The following SAMSN1 variants were observed in gnomAD, a reference collection of about 807,000 sequenced individuals.
SAMSN1 encodes the protein SAM domain, SH3 domain and nuclear localization signals 1.
Under a neutral mutation model 42.0 loss-of-function variants are expected in SAMSN1, and 31 were observed. The observed-to-expected ratio is 0.74, with a 90% CI of 0.55 to 1.00. The LOEUF (loss-of-function observed/expected upper bound fraction) is 1.00, where lower values mean the gene tolerates loss of function less well. Ranked by LOEUF, SAMSN1 falls within the 50% of genes least tolerant of loss-of-function variation. The pLI is 0.00. For synonymous variants in SAMSN1, 178 were observed against 151.9 expected (o/e 1.17, Z -1.26); for missense variants, 464 against 439.4 (o/e 1.06, Z -0.50).
At chr21:14,647,290 A>G (rs150599492) in intron 1 of SAMSN1, among the ~76,000 whole-genome samples, 13,697 of 151,866 alleles carry the variant, frequency 0.09, 731 homozygotes, top group Admixed American at 0.19. Flanking sequence ...AAGATCAGAT[A>G]GTTGTAGATA....
chr21:14,602,199 G>A, intron 5 of SAMSN1: 1 of 387,264 alleles, frequency 2.6e-6, no homozygotes, highest in Non-Finnish European at 4.8e-6. Flanking sequence ...TAGTCTGTAA[G>A]ACATTACATT....
chr21:14,646,057 C>A (rs180976317), intron 1 of SAMSN1, among the ~76,000 whole-genome samples: 16 of 152,002 alleles, frequency 1.1e-4, no homozygotes, highest in Admixed American at 1.0e-3. Flanking sequence ...AGTTATTGGC[C>A]TTAAAGAGGA....
intron 2 of SAMSN1, among the ~76,000 whole-genome samples, chr21:14,579,285 T>TC (rs2123238155): frequency 1.3e-5 from 2 of 152,330 alleles, no homozygotes; most frequent in East Asian, 3.9e-4. Context: ...TTCTGAGCAT[T>TC]CTGTAGATAT....
In SAMSN1 at chr21:14,518,551, T is replaced by C. The variant is rs187077924; in HGVS notation, c.130-1510A>G. On this transcript the variant is annotated intron_variant, in intron 2 of 7. Coordinates refer to ENST00000400566, the MANE Select transcript of SAMSN1 (RefSeq NM_022136.5). ...CTAGTTTAACACTGCCCACCATTAC[T>C]GGTAGGTGGACAGGTAGTCATTCAC... Among the ~76,000 whole-genome samples the C allele has an allele frequency of 2.2e-4, 34 of 152,326 alleles. No individual in the cohort carries two copies. The East Asian group carries it at 6.4e-3, about 28-fold the overall frequency.
At chr21:14,488,451 C>T (rs1255474151) in intron 7 of SAMSN1, among the ~76,000 whole-genome samples, 1 of 152,068 alleles carries the variant, frequency 6.6e-6, no homozygotes, top group Admixed American at 6.6e-5. Context: ...CTGTAATTTC[C>T]AAAATTAGTT....
At chr21:14,504,176 T>C (rs1987299321) in intron 5 of SAMSN1, among the ~76,000 whole-genome samples, 1 of 152,086 alleles carries the variant, frequency 6.6e-6, no homozygotes, top group African/African-American at 2.4e-5. Context: ...CCAACTCTGA[T>C]AACATGACAA....
chr21:14,562,932 C>A (rs1980991056), intron 2 of SAMSN1, among the ~76,000 whole-genome samples: 1 of 152,116 alleles, frequency 6.6e-6, no homozygotes, highest in Admixed American at 6.6e-5. Context: ...AGGTTGTATT[C>A]CAAGCTCTGA....
At chr21:14,489,421 G>T (rs921848016) in intron 7 of SAMSN1, among the ~76,000 whole-genome samples, 1 of 152,000 alleles carries the variant, frequency 6.6e-6, no homozygotes, top group African/African-American at 2.4e-5. Flanking sequence ...ACAAACAAAA[G>T]TGTTCAAATT....
intron 4 of SAMSN1, among the ~76,000 whole-genome samples, chr21:14,511,144 T>C (rs1031949518): frequency 3.3e-5 from 5 of 152,182 alleles, no homozygotes; most frequent in Admixed American, 3.3e-4. Context: ...AAGCCTTTCA[T>C]CACTCTGTTC....
chr21:14,526,068 G>A (rs962937762), intron 1 of SAMSN1, among the ~76,000 whole-genome samples: 13 of 152,022 alleles, frequency 8.6e-5, no homozygotes, highest in East Asian at 7.7e-4. Flanking sequence ...GGGTTTGACC[G>A]TGTTAGCCAG....
At chr21:14,640,079 C>T (rs1983556943) in intron 2 of SAMSN1, among the ~76,000 whole-genome samples, 1 of 152,176 alleles carries the variant, frequency 6.6e-6, no homozygotes, top group Admixed American at 6.5e-5. Flanking sequence ...ACTGGATCAT[C>T]TCCTTTGAGA....
chr21:14,537,684 G>A (rs368566270), intron 1 of SAMSN1, among the ~76,000 whole-genome samples: 8 of 152,254 alleles, frequency 5.3e-5, no homozygotes, highest in African/African-American at 1.9e-4. Flanking sequence ...AAGAATATTT[G>A]GGGATGGAAC....
intron 2 of SAMSN1, among the ~76,000 whole-genome samples, chr21:14,577,198 G>A (rs1209603438): frequency 8.0e-6 from 1 of 124,278 alleles, no homozygotes; most frequent in Non-Finnish European, 1.6e-5. Flanking sequence ...TGGGATTACA[G>A]GTGCATGTCA....
At chr21:14,569,974 T>C (rs1009641412) in intron 2 of SAMSN1, among the ~76,000 whole-genome samples, 2 of 124,766 alleles carry the variant, frequency 1.6e-5, no homozygotes, top group Non-Finnish European at 3.2e-5. Flanking sequence ...TGTGGTGTCT[T>C]TAACCACTTT....
intron 2 of SAMSN1, among the ~76,000 whole-genome samples, chr21:14,633,034 T>C (rs1219714462): frequency 6.6e-6 from 1 of 152,148 alleles, no homozygotes; most frequent in Non-Finnish European, 1.5e-5. Flanking sequence ...CCCTACTCTA[T>C]TGGAATCAAG....
chr21:14,498,435 CACTT>C lies in SAMSN1; in HGVS notation c.919+3_919+6del, dbSNP rs1373002156. On this transcript the variant is annotated splice_donor_5th_base_variant and intron_variant, in intron 7 of 7. Coordinates refer to ENST00000400566, the MANE Select transcript of SAMSN1 (RefSeq NM_022136.5). ...AGCTGGGGAGAAGAGTAGGTGTACA[CACTT>C]ACTTTCTTCTTCAAGGAAGTTTTCA... is the stretch of plus-strand genomic sequence containing the variant. The C allele has an allele frequency of 1.9e-6, 3 of 1,608,132 alleles. No individual in the cohort carries two copies. Among genetic ancestry groups the C allele is most frequent in the Admixed American group, 3.4e-5 (2 of 58,580 alleles).
upstream of SAMSN1, among the ~76,000 whole-genome samples, chr21:14,585,908 G>T (rs1189469230): frequency 6.6e-6 from 1 of 152,008 alleles, no homozygotes; most frequent in Admixed American, 6.6e-5. Flanking sequence ...GAAATTTAGA[G>T]TTAATATTAT....
intron 7 of SAMSN1, among the ~76,000 whole-genome samples, chr21:14,488,972 A>G (rs1986560631): frequency 6.6e-6 from 1 of 152,168 alleles, no homozygotes; most frequent in South Asian, 2.1e-4. Context: ...TATTTGGAGG[A>G]TCAAGATTTT....
intron 2 of SAMSN1, among the ~76,000 whole-genome samples, chr21:14,639,125 C>T (rs1983535206): frequency 6.6e-6 from 1 of 152,174 alleles, no homozygotes; most frequent in Non-Finnish European, 1.5e-5. Flanking sequence ...CAATTATTTG[C>T]TTACTTCAGT....
Sources: gnomAD v4.1 joint callset for allele counts (sites outside exome capture counted in the v4.1 genomes callset) on GRCh38, gnomAD v4.1.1 for gene constraint, MANE v1.5 for transcripts, NCBI Gene and HGNC (gene_info 2026-07-23, HGNC 2026-07-21) for gene names.